Variants in CSMD1 observed in about 807,000 individuals in gnomAD.
CSMD1 encodes CUB and sushi domain-containing protein 1.
CSMD1 carries 213 observed loss-of-function variants against 417.5 expected under a neutral mutation model. That is an observed-to-expected ratio of 0.51 (90% CI 0.46 to 0.57). CSMD1 has a LOEUF of 0.57. CSMD1 is among the 20% of genes least tolerant of loss of function. The pLI, the probability that CSMD1 is intolerant of heterozygous loss-of-function variation, is 0.00. For missense variants in CSMD1, 6,923 were observed against 4,529.7 expected, an observed-to-expected ratio of 1.53 and a Z score of -15.17; for synonymous variants, 2,862 against 1,736.8, an observed-to-expected ratio of 1.65 and a Z score of -16.11.
At chr8:4,182,134 C>T (rs542216444) in intron 3 of CSMD1, among the ~76,000 whole-genome samples, 2 of 151,772 alleles carry the variant, frequency 1.3e-5, no homozygotes, top group Admixed American at 6.6e-5. Flanking sequence ...CAAAAGAAGA[C>T]AGAACTAAAA....
At chr8:3,621,417 G>A (rs1370551418) in intron 7 of CSMD1, among the ~76,000 whole-genome samples, 4 of 152,102 alleles carry the variant, frequency 2.6e-5, no homozygotes, top group African/African-American at 9.7e-5. Context: ...TAGAATGATG[G>A]TTTTGCCAGG....
intron 49 of CSMD1, among the ~76,000 whole-genome samples, chr8:3,076,298 G>A (rs1813677849): frequency 1.3e-5 from 1 of 74,200 alleles, no homozygotes; most frequent in African/African-American, 7.9e-5. Flanking sequence ...GTGCACCTCT[G>A]TCTCTGCAGG....
At chr8:3,640,727 T>C (rs1182971754) in intron 7 of CSMD1, among the ~76,000 whole-genome samples, 2 of 152,208 alleles carry the variant, frequency 1.3e-5, no homozygotes, top group Non-Finnish European at 2.9e-5. Flanking sequence ...GAAACCATGT[T>C]GTCCCTGAAA....
chr8:3,400,074 A>G (rs1811946083), intron 15 of CSMD1, among the ~76,000 whole-genome samples: 1 of 152,192 alleles, frequency 6.6e-6, no homozygotes. Context: ...GTAGAATTAG[A>G]CTGCATTGAA....
chr8:4,867,540 C>G (rs1320716032), intron 1 of CSMD1, among the ~76,000 whole-genome samples: 1 of 152,032 alleles, frequency 6.6e-6, no homozygotes, highest in Non-Finnish European at 1.5e-5. Flanking sequence ...TTTGAGTAAG[C>G]AAATTGCAAG....
intron 5 of CSMD1, among the ~76,000 whole-genome samples, chr8:3,777,903 C>A (rs1325884631): frequency 6.6e-6 from 1 of 151,400 alleles, no homozygotes; most frequent in Non-Finnish European, 1.5e-5. Flanking sequence ...AGTCTCAGTT[C>A]CCACTCCAGA....
At chr8:4,427,401 C>G (rs1428265742) in intron 2 of CSMD1, among the ~76,000 whole-genome samples, 1 of 151,896 alleles carries the variant, frequency 6.6e-6, no homozygotes, top group Non-Finnish European at 1.5e-5. Context: ...CCCTAGGTAC[C>G]TTGGGGTCAT....
At chr8:4,644,598 G>C (rs1477746770) in intron 1 of CSMD1, among the ~76,000 whole-genome samples, 1 of 152,134 alleles carries the variant, frequency 6.6e-6, no homozygotes, top group Non-Finnish European at 1.5e-5. Context: ...GTAGAGACAG[G>C]GTTGTTCACC....
intron 1 of CSMD1, among the ~76,000 whole-genome samples, chr8:4,954,555 T>C (rs1050267015): frequency 6.6e-6 from 1 of 152,196 alleles, no homozygotes; most frequent in Non-Finnish European, 1.5e-5. Flanking sequence ...AAAATATGTT[T>C]AAATGATAAA....
intron 1 of CSMD1, among the ~76,000 whole-genome samples, chr8:4,825,999 G>A (rs1799805489): frequency 6.6e-6 from 1 of 152,078 alleles, no homozygotes; most frequent in African/African-American, 2.4e-5. Context: ...GTGTTGGGGA[G>A]GATGTGGAGA....
intron 1 of CSMD1, among the ~76,000 whole-genome samples, chr8:4,739,173 T>G (rs1810441187): frequency 6.6e-6 from 1 of 152,214 alleles, no homozygotes; most frequent in Non-Finnish European, 1.5e-5. Flanking sequence ...ATAGCTCATT[T>G]TAGATCCCGT....
chr8:4,030,916 C>A (rs913882046), intron 4 of CSMD1, among the ~76,000 whole-genome samples: 1 of 152,204 alleles, frequency 6.6e-6, no homozygotes, highest in African/African-American at 2.4e-5. Flanking sequence ...CTCTCTAGGG[C>A]AGGGGCAAAA....
Position 4,376,931 on chromosome 8 carries a change from C to T in CSMD1, c.415+43022G>A, listed in dbSNP as rs111788100. ...ACTACTGTACTGCAATTTTATGGAA[C>T]GGGGGTAATGTTCACTCCTCCACTC... On this transcript the variant is annotated intron_variant, in intron 3 of 69. Transcript: ENST00000635120. 6.5e-3 allele frequency among the ~76,000 whole-genome samples: 993 copies of T among 152,128 alleles called. 12 individuals carry two copies. Among genetic ancestry groups the T allele is most frequent in the South Asian group, 0.038 (185 of 4,818 alleles).
intron 1 of CSMD1, among the ~76,000 whole-genome samples, chr8:4,672,846 C>A (rs1003958497): frequency 2.6e-5 from 4 of 151,972 alleles, no homozygotes; most frequent in Non-Finnish European, 5.9e-5. Flanking sequence ...TATGTAGTGA[C>A]GTACACATAT....
intron 3 of CSMD1, among the ~76,000 whole-genome samples, chr8:4,036,345 C>G (rs897565654): frequency 6.9e-6 from 1 of 145,510 alleles, no homozygotes; most frequent in Admixed American, 7.1e-5. Context: ...AAGAGGGACC[C>G]CTCCAAAATT....
intron 2 of CSMD1, among the ~76,000 whole-genome samples, chr8:4,543,630 C>T (rs1249841869): frequency 2.4e-5 from 3 of 126,444 alleles, no homozygotes; most frequent in South Asian, 2.7e-4. Flanking sequence ...CAGTAGATAC[C>T]TATGATGGCT....
chr8:3,433,476 G>A (rs775365190), intron 12 of CSMD1, among the ~76,000 whole-genome samples: 1 of 152,076 alleles, frequency 6.6e-6, no homozygotes, highest in Non-Finnish European at 1.5e-5. Flanking sequence ...GGTGTTGTGT[G>A]GTGTGGGCGG....
At chr8:3,216,611 T>A (rs1445815082) in intron 29 of CSMD1, among the ~76,000 whole-genome samples, 2 of 152,234 alleles carry the variant, frequency 1.3e-5, no homozygotes, top group Non-Finnish European at 2.9e-5. Flanking sequence ...ATCTTTTAGT[T>A]CCATTACTGA....
At chr8:3,875,727 G>T (rs970592180) in intron 5 of CSMD1, among the ~76,000 whole-genome samples, 1 of 152,158 alleles carries the variant, frequency 6.6e-6, no homozygotes, top group Non-Finnish European at 1.5e-5. Flanking sequence ...GTGGATTGAG[G>T]AAAGAAAGGC....
Sources: allele counts gnomAD v4.1 joint callset (sites outside exome capture counted in the v4.1 genomes callset), GRCh38; gene constraint gnomAD v4.1.1; transcripts MANE v1.5; gene names NCBI Gene and HGNC (gene_info 2026-07-23, HGNC 2026-07-21).